The following ATP11A variants were observed in gnomAD, a reference collection of about 807,000 sequenced individuals.
The protein encoded by ATP11A is phospholipid-transporting ATPase IH.
In ATP11A, 81 loss-of-function variants were observed where a neutral mutation model predicts 154.4. The observed-to-expected ratio is 0.52, with a 90% CI of 0.44 to 0.63. The LOEUF is 0.63. Ranked by LOEUF, ATP11A falls within the 30% of genes least tolerant of loss-of-function variation. ATP11A has a pLI of 0.00. For missense variants in ATP11A, 1,316 were observed against 1,474.3 expected (o/e 0.89, Z 1.76); for synonymous variants, 623 against 585.9 (o/e 1.06, Z -0.91).
rs755042352 is a variant in ATP11A at position 112,831,498 on chromosome 13, G to C, written c.1345G>C (p.Glu449Gln). The C allele has an allele frequency of 5.6e-6, 9 of 1,614,224 alleles. No homozygotes were observed. Among genetic ancestry groups the C allele is most frequent in the Non-Finnish European group, 7.6e-6 (9 of 1,180,046 alleles). The change falls in exon 13 of 30, where the codon GAG becomes CAG. Residue 449 changes from glutamate to glutamine, a missense_variant. Glu to Gln is a conservative substitution (Grantham distance 29). Around this residue, in one of 5 missense-constraint regions of ATP11A, gnomAD observed 876 missense variants for 1,006.8 expected, o/e 0.87. Coordinates refer to ENST00000375645, the MANE Select transcript of ATP11A (RefSeq NM_015205.3). ...HVICNGQVLP[E>Q]SSGIDMIDSS... Reference sequence around the variant, plus strand: ...CATCTGCAACGGGCAGGTCCTCCCAGAGTCGTCAGGAATCGACATGATTGA... The same window carrying C: ...CATCTGCAACGGGCAGGTCCTCCCACAGTCGTCAGGAATCGACATGATTGA...
Position 112,799,618 on chromosome 13 carries a change from T to C in ATP11A, c.163-5339T>C, listed in dbSNP as rs542565914. Among the ~76,000 whole-genome samples, 45 of 152,346 alleles carry C rather than the reference T, an allele frequency of 3.0e-4. 1 individual carries two copies. Among genetic ancestry groups the C allele is most frequent in the Middle Eastern group, 6.8e-3 (2 of 294 alleles). On this transcript the variant is annotated intron_variant, in intron 2 of 29. Coordinates refer to ENST00000375645, the MANE Select transcript of ATP11A (RefSeq NM_015205.3). ...CAAATCACAAAGGTGGAATGTCATC[T>C]TTTGTGGTTCTTCAGTTGCTCCAGG...
chr13:112,806,997 C>T (rs968961578), intron 4 of ATP11A, among the ~76,000 whole-genome samples: 3 of 152,240 alleles, frequency 2.0e-5, no homozygotes, highest in African/African-American at 7.2e-5. Flanking sequence ...GTCACGGTCC[C>T]CTGCACATAC....
chr13:112,875,721 G>A lies in ATP11A; in HGVS notation c.3162-55G>A. On this transcript the variant is annotated intron_variant, in intron 27 of 29. Transcript: ENST00000375645. This position sits in a 1 kb window ranked among gnomAD's most constrained non-coding sequence, Gnocchi z 4.1. ...AGACGGCCTCTCCAGTGAGTAGAGA[G>A]GCCAGCCCCAGGGAGTACATGCCTC... is the stretch of plus-strand genomic sequence containing the variant. 6.3e-7 allele frequency: 1 copy of A among 1,577,884 alleles called. No individual in the cohort carries two copies. The highest frequency in any genetic ancestry group is 8.7e-7 in the Non-Finnish European group (1 of 1,155,472).
chr13:112,759,161 G>A (rs1417443513), intron 1 of ATP11A, among the ~76,000 whole-genome samples: 3 of 152,106 alleles, frequency 2.0e-5, no homozygotes, highest in Admixed American at 1.3e-4. Flanking sequence ...AGAAACATTC[G>A]TGCCTGCAAG....
At chr13:112,795,948 A>G (rs1232878951) in intron 2 of ATP11A, among the ~76,000 whole-genome samples, 1 of 152,230 alleles carries the variant, frequency 6.6e-6, no homozygotes, top group Admixed American at 6.5e-5. Context: ...ACTGACTCTG[A>G]AGTCTATGTG....
intron 2 of ATP11A, among the ~76,000 whole-genome samples, chr13:112,801,065 C>G (rs566403313): frequency 6.6e-6 from 1 of 151,866 alleles, no homozygotes; most frequent in African/African-American, 2.4e-5. Context: ...GATGGTTTCA[C>G]CCTAAGATTG....
At chr13:112,812,512 A>T (rs1479515324) in intron 5 of ATP11A, among the ~76,000 whole-genome samples, 1 of 152,178 alleles carries the variant, frequency 6.6e-6, no homozygotes, top group African/African-American at 2.4e-5. Context: ...AGGGCCTCCA[A>T]GCAGCCCAGC....
intron 12 of ATP11A, among the ~76,000 whole-genome samples, chr13:112,830,507 CG>C (rs1566542259): frequency 6.6e-6 from 1 of 151,950 alleles, no homozygotes; most frequent in Non-Finnish European, 1.5e-5. Context: ...ACCTGGGAGA[CG>C]GAGGTTGCAG....
Position 112,797,113 on chromosome 13 carries a change from TAAAAATTTTTTTTAA to T in ATP11A, c.163-7836_163-7822del, listed in dbSNP as rs536993114. 4.2e-4 allele frequency among the ~76,000 whole-genome samples: 63 copies of T among 151,612 alleles called. 1 individual carries two copies. In the South Asian group the frequency reaches 0.013, roughly 32 times the overall value. ...CCGTCTGTACTGAAAATACAAAAAA[TAAAAATTTTTTTTAA>T]AAAAATTAGCCAGGTGTGGTGGCAG... On this transcript the variant is annotated intron_variant, in intron 2 of 29. Coordinates refer to ENST00000375645, the MANE Select transcript of ATP11A (RefSeq NM_015205.3).
chr13:112,777,823 A>C (rs1281196364), intron 1 of ATP11A, among the ~76,000 whole-genome samples: 2 of 151,816 alleles, frequency 1.3e-5, no homozygotes, highest in African/African-American at 4.8e-5. Context: ...CGTGGGCTCC[A>C]TGCAGCCAGG....
intron 4 of ATP11A, 137 bp from the exon 5 acceptor site, chr13:112,810,482 C>T: frequency 1.4e-6 from 1 of 693,704 alleles, no homozygotes; most frequent in Non-Finnish European, 2.5e-6. Flanking sequence ...AGTGCATCCT[C>T]ATGCTGAAAA....
chr13:112,753,462 C>T lies in ATP11A; in HGVS notation c.40-31673C>T, dbSNP rs933500189. ...TACCTCGCCAGCAGCCTGCGCTGCC[C>T]GGCTTGCCAGCTTCTGGGCCTGCCT... is the stretch of plus-strand genomic sequence containing the variant. On this transcript the variant is annotated intron_variant, in intron 1 of 29. Transcript: ENST00000375645. The surrounding 1 kb of genome is among the most constrained non-coding windows in gnomAD (Gnocchi z 4.1). Among the ~76,000 whole-genome samples, 8 of 152,182 alleles carry T rather than the reference C, an allele frequency of 5.3e-5. No individual in the cohort carries two copies. The highest frequency in any genetic ancestry group is 1.3e-4 in the Admixed American group (2 of 15,282).
intron 24 of ATP11A, among the ~76,000 whole-genome samples, chr13:112,861,671 T>A (rs1272497910): frequency 1.3e-5 from 2 of 152,262 alleles, no homozygotes; most frequent in East Asian, 3.8e-4. Context: ...TTCTGTGGGA[T>A]CTTGACGGCT....
chr13:112,848,514 G>T (rs889599589), intron 17 of ATP11A, among the ~76,000 whole-genome samples: 1 of 152,086 alleles, frequency 6.6e-6, no homozygotes, highest in East Asian at 1.9e-4. Context: ...CCTTAGAAAG[G>T]CATCCTTTCT....
rs184641063 is a variant in ATP11A, at chr13:112,738,019, C to G, written c.40-47116C>G. Among the ~76,000 whole-genome samples, 9 of 152,280 alleles carry G rather than the reference C, an allele frequency of 5.9e-5. No homozygotes were observed. In the East Asian group the frequency reaches 1.7e-3, roughly 29 times the overall value. On this transcript the variant is annotated intron_variant, in intron 1 of 29. Transcript: ENST00000375645. Reference sequence around the variant, plus strand: ...AACCCAAGCTATGGTCAGAAGCACTCAACATTCCCATATCTGTTCAGCGCC... The same window carrying G: ...AACCCAAGCTATGGTCAGAAGCACTGAACATTCCCATATCTGTTCAGCGCC...
chr13:112,729,360 C>T (rs1056317179), intron 1 of ATP11A, among the ~76,000 whole-genome samples: 7 of 152,266 alleles, frequency 4.6e-5, no homozygotes, highest in Non-Finnish European at 1.0e-4. Context: ...TGAGGCAGCA[C>T]AGTCCCCTCG....
rs560239269 is a variant in ATP11A, at chr13:112,841,110, T to A, written c.1706-1166T>A. ...GGCACAAACCAGCCGCCTGGCAGAG[T>A]GCCACGTGGCTTCGCGGACCAGGGA... is the stretch of plus-strand genomic sequence containing the variant. On this transcript the variant is annotated intron_variant, in intron 16 of 29. Transcript: ENST00000375645. Among the ~76,000 whole-genome samples the A allele has an allele frequency of 1.8e-4, 28 of 152,294 alleles. No individual in the cohort carries two copies. In the East Asian group the frequency reaches 5.4e-3, roughly 29 times the overall value.
At chr13:112,708,169 A>G (rs1298828617) in intron 1 of ATP11A, among the ~76,000 whole-genome samples, 4 of 152,214 alleles carry the variant, frequency 2.6e-5, no homozygotes, top group African/African-American at 9.7e-5. Flanking sequence ...TTACAGGGAA[A>G]ACGCTTCCAC....
intron 2 of ATP11A, among the ~76,000 whole-genome samples, chr13:112,795,630 G>C (rs2077980936): frequency 6.6e-6 from 1 of 152,206 alleles, no homozygotes; most frequent in South Asian, 2.1e-4. Flanking sequence ...ATGTATTATA[G>C]AAATTTGTGG....
Sources: allele counts gnomAD v4.1 joint callset (sites outside exome capture counted in the v4.1 genomes callset), GRCh38; gene constraint gnomAD v4.1.1; regional missense constraint gnomAD v4.1.1; non-coding constraint Gnocchi (gnomAD v3.1); transcripts MANE v1.5; gene names NCBI Gene and HGNC (gene_info 2026-07-23, HGNC 2026-07-21).